OCEL1: variants seen among roughly 807,000 people sequenced by gnomAD.
OCEL1 encodes the protein occludin/ELL domain-containing protein 1.
In OCEL1, 24 loss-of-function variants were observed where a neutral mutation model predicts 29.4. The observed-to-expected ratio is 0.82, with a 90% confidence interval of 0.59 to 1.15. The LOEUF is 1.15. Ranked by LOEUF, OCEL1 falls within the 50% of genes most tolerant of loss-of-function variation. The pLI is 0.00. For missense variants in OCEL1, 402 were observed against 352.5 expected (o/e 1.14, Z -1.13); for synonymous variants, 172 against 145.3 (o/e 1.18, Z -1.32).
In OCEL1 at chr19:17,228,848, GGT is replaced by G; in HGVS notation, c.719_720del (p.Gly240GlufsTer14). ...GCAGGCTCGCTGCCACTACCTGAAG[GGT>G]AAACTGAGGCATCTCAAGACTCAGA... Reference protein sequence around the residue: ...DKQARCHYLKGKLRHLKTQIQ... With the variant: ...DKQARCHYLKXKLRHLKTQIQ... On this transcript the variant is annotated frameshift_variant, in exon 6 of 6. Transcript: ENST00000215061. LOFTEE classifies it high-confidence loss of function. 6.2e-7 allele frequency: 1 copy of G among 1,613,840 alleles called. No individual in the cohort carries two copies. Among genetic ancestry groups the G allele is most frequent in the African/African-American group, 1.3e-5 (1 of 75,046 alleles).
chr19:17,226,765 C>T lies in OCEL1; in HGVS notation c.142C>T (p.Pro48Ser), dbSNP rs972634947. ...CAGGACCCGCCCATCAGCCCGGAAA[C>T]CCCTGAGCTGCTTCTCCCGGAGGCC... Reference protein sequence around the residue: ...PRRTRPSARKPLSCFSRRPMP... With the variant: ...PRRTRPSARKSLSCFSRRPMP... Residue 48 changes from proline (P) to serine (S), a missense_variant, in exon 2 of 6, where the codon CCC becomes TCC. Pro to Ser is a moderately conservative substitution (Grantham distance 74, BLOSUM62 -1). Coordinates refer to ENST00000215061, the MANE Select transcript of OCEL1 (RefSeq NM_024578.3). 1 of 1,592,768 alleles carries T rather than the reference C, an allele frequency of 6.3e-7. No homozygotes were observed. Among genetic ancestry groups the T allele is most frequent in the Non-Finnish European group, 8.5e-7 (1 of 1,173,830 alleles).
At chr19:17,226,389 G>C (rs1652776088) in intron 1 of OCEL1, 73 bp downstream of exon 1, 6 of 1,537,754 alleles carry the variant, frequency 3.9e-6, no homozygotes, top group Non-Finnish European at 5.3e-6. Context: ...CTCGGGCGCG[G>C]TCGTCTGTGG....
rs777510812 is a variant in OCEL1 at position 17,229,067 on chromosome 19, A to C, written c.*142A>C. 2 of 914,840 alleles carry C rather than the reference A, an allele frequency of 2.2e-6. No individual in the cohort carries two copies. The highest frequency in any genetic ancestry group is 5.8e-5 in the East Asian group (2 of 34,428). 56.7% of individuals were successfully genotyped at this position (914,840 alleles called of 1,614,324 possible). On this transcript the variant is annotated 3_prime_UTR_variant, in exon 6 of 6. Transcript: ENST00000215061. The stretch of plus-strand genomic sequence containing the variant: ...GCAAATGCCTCTTCAGTTTGGACTC[A>C]GCTCTGACAGCCCCTCCTCCAGGAA...
In OCEL1 at chr19:17,226,775, G is replaced by C. The variant is rs763294394; in HGVS notation, c.152G>C (p.Cys51Ser). 6.3e-7 allele frequency: 1 copy of C among 1,593,556 alleles called. No homozygotes were observed. Among genetic ancestry groups the C allele is most frequent in the Admixed American group, 1.7e-5 (1 of 57,860 alleles). The change falls in exon 2 of 6, where the codon TGC becomes TCC. Residue 51 changes from cysteine to serine, a missense_variant. Physicochemically the swap from Cys to Ser is moderately radical, Grantham distance 112 (BLOSUM62 -1). Transcript: ENST00000215061. ...TRPSARKPLSCFSRRPMPTRE... is the reference protein window; with the variant it reads ...TRPSARKPLSSFSRRPMPTRE... ...CCATCAGCCCGGAAACCCCTGAGCT[G>C]CTTCTCCCGGAGGCCGATGCCCACC...
Position 17,228,279 on chromosome 19 carries a change from G to A in OCEL1, c.642G>A (p.Arg214=), listed in dbSNP as rs201782061. The A allele has an allele frequency of 3.5e-5, 57 of 1,614,068 alleles. No homozygotes were observed. The East Asian group carries it at 1.3e-3, about 36-fold the overall frequency. Residue 214 remains arginine, a synonymous_variant, in exon 5 of 6, where the codon CGG becomes CGA. Coordinates refer to ENST00000215061, the MANE Select transcript of OCEL1 (RefSeq NM_024578.3). ...QSQKEAQVAA[R]VWREFEMKRM... ...AGAAGGAGGCCCAAGTTGCAGCCCG[G>A]GTTTGGAGGGAGTTTGAGATGAAGC...
chr19:17,226,696 G>T lies in OCEL1; in HGVS notation c.73G>T (p.Ala25Ser), dbSNP rs545092796. Residue 25 changes from alanine to serine, a missense_variant, in exon 2 of 6, where the codon GCC becomes TCC. Ala to Ser is a moderately conservative substitution (Grantham distance 99). Coordinates refer to ENST00000215061, the MANE Select transcript of OCEL1 (RefSeq NM_024578.3). Reference sequence around the variant, plus strand: ...CTCTCCGCGTGTCCACCCACAGGCCGCCCGCAGACCACCCCCGCCGCGCGC... The same window carrying T: ...CTCTCCGCGTGTCCACCCACAGGCCTCCCGCAGACCACCCCCGCCGCGCGC... Reference protein sequence around the residue: ...GSELQTLGQAARRPPPPRAGH... With the variant: ...GSELQTLGQASRRPPPPRAGH... The T allele has an allele frequency of 9.2e-5, 136 of 1,484,534 alleles. No individual in the cohort carries two copies. The highest frequency in any genetic ancestry group is 1.2e-4 in the Admixed American group (5 of 41,114). The allele number at this position is 1,484,534 out of a possible 1,614,324, so 92.0% of individuals were successfully genotyped here.
intron 3 of OCEL1, 135 bp from the exon 4 acceptor site, chr19:17,227,705 A>C: frequency 1.3e-6 from 1 of 797,252 alleles, no homozygotes; most frequent in South Asian, 2.2e-5. Context: ...AATAATAATA[A>C]ATAAATTAAA....
At chr19:17,228,234 C>T (rs764003027) in intron 4 of OCEL1, 22 bp from the exon 5 acceptor site, 5 of 1,613,826 alleles carry the variant, frequency 3.1e-6, no homozygotes, top group Non-Finnish European at 4.2e-6. Flanking sequence ...CCTAAACCCC[C>T]TTTCTACTCC....
At position 17,228,370 on chromosome 19, in the gene OCEL1, C is replaced by A. The variant is rs376251881; in HGVS notation, c.672+61C>A. 3.1e-4 allele frequency: 467 copies of A among 1,513,734 alleles called. 2 individuals carry two copies. The highest frequency in any genetic ancestry group is 5.3e-4 in the Admixed American group (27 of 50,710). The allele number at this position is 1,513,734 out of a possible 1,614,324, so 93.8% of individuals were successfully genotyped here. Reference sequence around the variant, plus strand: ...CTGAGACTTCTGTGAGGCTGGGGTGCCTGTGCCCAGTTTCTTTTTTTTTTC... The same window carrying A: ...CTGAGACTTCTGTGAGGCTGGGGTGACTGTGCCCAGTTTCTTTTTTTTTTC... On this transcript the variant is annotated intron_variant, in intron 5 of 5. Transcript: ENST00000215061.
chr19:17,227,716 A>G (rs919385976), intron 3 of OCEL1, 124 bp from the exon 4 acceptor site: 11 of 841,496 alleles, frequency 1.3e-5, no homozygotes, highest in Non-Finnish European at 1.8e-5. Flanking sequence ...ATAAATTAAA[A>G]GAGGGAGAGA....
intron 1 of OCEL1, 138 bp downstream of exon 1, chr19:17,226,454 G>T (rs2073360064): frequency 1.8e-6 from 2 of 1,082,810 alleles, no homozygotes; most frequent in Middle Eastern, 3.0e-4. Flanking sequence ...AACTCGAGCC[G>T]GTCCCAGGCT....
rs144196323 is a variant in OCEL1 at position 17,227,932 on chromosome 19, A to C, written c.545A>C (p.Glu182Ala). ...GGAGAGTTCTTGGAGCTCCAGCACGAGGTGGGGTGTGCACAGGCAAAGCTC... is the reference window on the plus strand; with the variant it reads ...GGAGAGTTCTTGGAGCTCCAGCACGCGGTGGGGTGTGCACAGGCAAAGCTC... Reference protein sequence around the residue: ...QYGEFLELQHEVGCAQAKLRQ... With the variant: ...QYGEFLELQHAVGCAQAKLRQ... Residue 182 changes from glutamate to alanine, a missense_variant, in exon 4 of 6, where the codon GAG (glutamate) becomes GCG (alanine). Glu to Ala is a moderately radical substitution (Grantham distance 107). Transcript: ENST00000215061. The C allele has an allele frequency of 2.9e-4, 465 of 1,613,496 alleles. 2 individuals are homozygous for C. The African/African-American group carries it at 5.7e-3, about 20-fold the overall frequency.
At position 17,227,187 on chromosome 19, in the gene OCEL1, C is replaced by T; in HGVS notation, c.440C>T (p.Pro147Leu). The T allele has an allele frequency of 6.6e-7, 1 of 1,507,254 alleles. No homozygotes were observed. The highest frequency in any genetic ancestry group is 8.8e-7 in the Non-Finnish European group (1 of 1,132,254). The allele number at this position is 1,507,254 out of a possible 1,614,324, so 93.4% of individuals were successfully genotyped here. Residue 147 changes from proline (P) to leucine (L), a missense_variant, in exon 3 of 6, where the codon CCC becomes CTC. Transcript: ENST00000215061. The stretch of plus-strand genomic sequence containing the variant: ...CATAAGCCTAGGCCCCACCCAGTGC[C>T]CGACTATGAGCTGTGAGTGTCCCCC... ...KGHKPRPHPV[P>L]DYELKYPPVS...
At chr19:17,228,384 CTTTT>C (rs113462551) in intron 5 of OCEL1, 75 bp downstream of exon 5, 5 of 1,280,946 alleles carry the variant, frequency 3.9e-6, no homozygotes, top group South Asian at 1.4e-5. Context: ...TGCCCAGTTT[CTTTT>C]TTTTTTCTTT....
In OCEL1 at chr19:17,227,110, C is replaced by G. The variant is rs372602107; in HGVS notation, c.363C>G (p.Leu121=). The change falls in exon 3 of 6, where the codon CTC becomes CTG. Residue 121 remains leucine (L), a synonymous_variant. Transcript: ENST00000215061. ...AGATTGTGTTTGAGGATGAGTTGCT[C>G]TCCCAGGCCCTCCTGGGCGCCAAGA... is the stretch of plus-strand genomic sequence containing the variant. ...TKKIVFEDEL[L]SQALLGAKKP... is the part of the protein sequence containing the mutation. The G allele has an allele frequency of 2.5e-6, 4 of 1,605,612 alleles. No individual in the cohort carries two copies. Among genetic ancestry groups the G allele is most frequent in the Non-Finnish European group, 3.4e-6 (4 of 1,178,196 alleles).
chr19:17,228,867 A>C lies in OCEL1; in HGVS notation c.737A>C (p.Lys246Thr). ...CTGAAGGGTAAACTGAGGCATCTCA[A>C]GACTCAGATCCAGAAATTCGATGAC... ...HYLKGKLRHL[K>T]TQIQKFDDQG... is the part of the protein sequence containing the mutation. Residue 246 changes from lysine (K) to threonine (T), a missense_variant, in exon 6 of 6, where the codon AAG becomes ACG. Lys to Thr is a moderately conservative substitution (Grantham distance 78). Transcript: ENST00000215061. 6.2e-7 allele frequency: 1 copy of C among 1,613,964 alleles called. No individual in the cohort carries two copies. Among genetic ancestry groups the C allele is most frequent in the Non-Finnish European group, 8.5e-7 (1 of 1,179,960 alleles).
At chr19:17,227,556 T>G (rs1364031985) in intron 3 of OCEL1, among the ~76,000 whole-genome samples, 2 of 152,036 alleles carry the variant, frequency 1.3e-5, no homozygotes, top group Non-Finnish European at 2.9e-5. Flanking sequence ...CTGGATATAG[T>G]GGCGCATGCC....
At chr19:17,226,498 T>A in intron 1 of OCEL1, 182 bp downstream of exon 1, 1 of 896,614 alleles carries the variant, frequency 1.1e-6, no homozygotes, top group Non-Finnish European at 1.7e-6. Context: ...TACATAGCGC[T>A]TATTTGGGTT....
In OCEL1 at chr19:17,226,242, C is replaced by T. The variant is rs1568312322; in HGVS notation, c.-6C>T. On this transcript the variant is annotated 5_prime_UTR_variant, in exon 1 of 6. Transcript: ENST00000215061. ...GACCCCGCCAGTCGGGTCCATCCTGCAGTAAATGCACAACCCGGACGGAAG... is the reference window on the plus strand; with the variant it reads ...GACCCCGCCAGTCGGGTCCATCCTGTAGTAAATGCACAACCCGGACGGAAG... 1 of 1,607,538 alleles carries T rather than the reference C, an allele frequency of 6.2e-7. No individual in the cohort carries two copies. Among genetic ancestry groups the T allele is most frequent in the Admixed American group, 1.7e-5 (1 of 58,994 alleles).
Sources: gnomAD v4.1 joint callset for allele counts (sites outside exome capture counted in the v4.1 genomes callset) on GRCh38, gnomAD v4.1.1 for gene constraint, MANE v1.5 for transcripts, NCBI Gene and HGNC (gene_info 2026-07-23, HGNC 2026-07-21) for gene names.